The following MAST3 variants were observed in gnomAD, a reference collection of about 807,000 sequenced individuals.
MAST3 encodes the protein microtubule-associated serine/threonine-protein kinase 3.
A neutral mutation model predicts 127.0 loss-of-function variants in MAST3; 43 were observed. The observed-to-expected ratio is 0.34, with a 90% CI of 0.27 to 0.44. MAST3 has a LOEUF of 0.44. Among genes scored for constraint, MAST3 ranks in the 20% least tolerant of loss-of-function variants. The probability of loss-of-function intolerance (pLI) is 1.00; values close to 1 mark genes in which losing one functional copy is unlikely to be tolerated. For synonymous variants in MAST3, 785 were observed against 809.2 expected (o/e 0.97, Z 0.51); for missense variants, 1,390 against 1,919.1 (o/e 0.72, Z 5.15).
At chr19:18,121,643 G>T in intron 3 of MAST3, 42 bp from the exon 4 acceptor site, 1 of 1,557,892 alleles carries the variant, frequency 6.4e-7, no homozygotes, top group Non-Finnish European at 8.8e-7. Flanking sequence ...TTAGCGCGGG[G>T]CCCTGGGCAG....
chr19:18,100,994 G>T (rs914636174), intron 1 of MAST3, among the ~76,000 whole-genome samples: 1 of 152,212 alleles, frequency 6.6e-6, no homozygotes, highest in Non-Finnish European at 1.5e-5. Context: ...GGCCTGGCCC[G>T]CGGGCGGCCA....
At chr19:18,111,892 T>A (rs2038693909) in intron 3 of MAST3, among the ~76,000 whole-genome samples, 1 of 152,180 alleles carries the variant, frequency 6.6e-6, no homozygotes, top group Non-Finnish European at 1.5e-5. Flanking sequence ...GGGAGGTACC[T>A]TCCTTCAGAC....
intron 20 of MAST3, among the ~76,000 whole-genome samples, chr19:18,139,627 A>T (rs533576971): frequency 2.0e-5 from 3 of 146,346 alleles, no homozygotes; most frequent in South Asian, 4.4e-4. Flanking sequence ...ACCTGGTCAA[A>T]TTTTTTTGTA....
intron 1 of MAST3, among the ~76,000 whole-genome samples, chr19:18,105,472 G>A (rs2037995158): frequency 6.6e-6 from 1 of 150,852 alleles, no homozygotes; most frequent in Non-Finnish European, 1.5e-5. Context: ...GCCAAAGTGG[G>A]TGGATCATCT....
At chr19:18,137,936 G>A (rs1411795697) in intron 19 of MAST3, among the ~76,000 whole-genome samples, 5 of 152,150 alleles carry the variant, frequency 3.3e-5, no homozygotes, top group African/African-American at 1.2e-4. Flanking sequence ...CAGGCGCAGT[G>A]GCTCAAGCCT....
Position 18,145,781 on chromosome 19 carries a change from G to A in MAST3, c.3078G>A (p.Leu1026=). ...GAAGCCCCGCCCAGGAGGCGGGCCT[G>A]CGGGCTGGGGACCTCATCACCCACA... is the stretch of plus-strand genomic sequence containing the variant. ...EDGSPAQEAG[L]RAGDLITHIN... The change falls in exon 25 of 28, where the codon CTG becomes CTA. Residue 1026 remains leucine (L), a synonymous_variant. Coordinates refer to ENST00000687212, the MANE Select transcript of MAST3 (RefSeq NM_001393504.1). The surrounding 1 kb of genome is among the most constrained non-coding windows in gnomAD (Gnocchi z 5.9). 1 of 1,592,528 alleles carries A rather than the reference G, an allele frequency of 6.3e-7. No individual in the cohort carries two copies. The highest frequency in any genetic ancestry group is 8.5e-7 in the Non-Finnish European group (1 of 1,172,470).
Position 18,146,953 on chromosome 19 carries a change from A to C in MAST3, c.3235A>C (p.Asn1079His), listed in dbSNP as rs375740121. 16 of 1,562,068 alleles carry C rather than the reference A, an allele frequency of 1.0e-5. No homozygotes were observed. Among genetic ancestry groups the C allele is most frequent in the Non-Finnish European group, 1.4e-5 (16 of 1,153,174 alleles). Residue 1079 changes from asparagine to histidine, a missense_variant, in exon 26 of 28, where the codon AAT (asparagine) becomes CAT (histidine). This residue lies in a region of MAST3 where 816 missense variants were observed against 934.1 expected (regional missense o/e 0.87). Coordinates refer to ENST00000687212, the MANE Select transcript of MAST3 (RefSeq NM_001393504.1). ...TSIKVGPARK[N>H]VAKGRMARRS... Reference sequence around the variant, plus strand: ...CATCAAGGTGGGCCCCGCCCGGAAGAATGTGGCCAAGGGCCGCATGGCACG... The same window carrying C: ...CATCAAGGTGGGCCCCGCCCGGAAGCATGTGGCCAAGGGCCGCATGGCACG...
intron 13 of MAST3, 140 bp from the exon 14 acceptor site, chr19:18,130,344 AGGGGGAACAG>A: frequency 1.5e-6 from 1 of 676,866 alleles, no homozygotes; most frequent in Non-Finnish European, 2.5e-6. Flanking sequence ...CTGCTCTGGG[AGGGGGAACAG>A]GTAAGGAGAA....
In MAST3 at chr19:18,149,823, C is replaced by A. The variant is rs938297180; in HGVS notation, c.*97C>A. ...GCCTGGATGGGGACTGAGCCACCAG[C>A]CTGACACCCAGAAGGCGAGAAGCCA... is the stretch of plus-strand genomic sequence containing the variant. On this transcript the variant is annotated 3_prime_UTR_variant, in exon 28 of 28. Coordinates refer to ENST00000687212, the MANE Select transcript of MAST3 (RefSeq NM_001393504.1). This position sits in a 1 kb window ranked among gnomAD's most constrained non-coding sequence, Gnocchi z 5.9. 2.0e-6 allele frequency: 3 copies of A among 1,529,706 alleles called. No homozygotes were observed. The highest frequency in any genetic ancestry group is 2.6e-6 in the Non-Finnish European group (3 of 1,138,676). The allele number at this position is 1,529,706 out of a possible 1,614,324, so 94.8% of individuals were successfully genotyped here.
At chr19:18,099,592 A>T (rs377185462) in intron 1 of MAST3, among the ~76,000 whole-genome samples, 1 of 152,288 alleles carries the variant, frequency 6.6e-6, no homozygotes, top group East Asian at 1.9e-4. Flanking sequence ...TCCGGGTTTC[A>T]CAAAGTATAG....
At chr19:18,118,012 C>T (rs1370652714) in intron 3 of MAST3, 1 of 674,522 alleles carries the variant, frequency 1.5e-6, no homozygotes, top group Admixed American at 6.3e-5. Flanking sequence ...CAGTCGCGCT[C>T]GGGGGCGCGC....
At chr19:18,138,864 C>T (rs1202895131) in intron 19 of MAST3, 151 bp from the exon 20 acceptor site, 14 of 606,744 alleles carry the variant, frequency 2.3e-5, no homozygotes, top group South Asian at 1.5e-4. Context: ...CCAAGCCTCC[C>T]GTGGTCCTTA....
intron 13 of MAST3, 78 bp from the exon 14 acceptor site, chr19:18,130,416 A>G (rs2041151781): frequency 1.5e-6 from 2 of 1,325,216 alleles, no homozygotes; most frequent in Non-Finnish European, 2.1e-6. Context: ...GCAGGTTGGG[A>G]TCTGGGCTCA....
intron 27 of MAST3, among the ~76,000 whole-genome samples, chr19:18,148,547 G>C (rs1243250302): frequency 6.6e-6 from 1 of 152,114 alleles, no homozygotes. Flanking sequence ...CTGGGGCTTT[G>C]ATGGGTGAGT....
chr19:18,141,377 C>CTTTCTTTT lies in MAST3; in HGVS notation c.2206-502_2206-501insCTTTTTTT, dbSNP rs60206673. On this transcript the variant is annotated intron_variant, in intron 20 of 27. Coordinates refer to ENST00000687212, the MANE Select transcript of MAST3 (RefSeq NM_001393504.1). Reference sequence around the variant, plus strand: ...GGAATCACTGGACTAAGCCAGCTTTCTTTTTTTTTTTTTGAAACAGAGTCT... The same window carrying CTTTCTTTT: ...GGAATCACTGGACTAAGCCAGCTTTCTTTCTTTTTTTTTTTTTTTTTGAAACAGAGTCT... Among the ~76,000 whole-genome samples the CTTTCTTTT allele has an allele frequency of 1.5e-4, 18 of 122,772 alleles. 2 individuals are homozygous for CTTTCTTTT. The highest frequency in any genetic ancestry group is 2.4e-4 in the East Asian group (1 of 4,190). 80.5% of individuals were successfully genotyped at this position (122,772 alleles called of 152,430 possible). A position where few individuals can be genotyped will look rare whatever the true frequency, so the allele number is the denominator to read the frequency against.
chr19:18,142,130 A>G (rs1460407400), intron 21 of MAST3, 115 bp downstream of exon 21: 3 of 1,136,984 alleles, frequency 2.6e-6, no homozygotes, highest in Non-Finnish European at 3.4e-6. Flanking sequence ...AGGGTCAAAC[A>G]TATTGACCAG....
At position 18,146,882 on chromosome 19, in the gene MAST3, G is replaced by A. The variant is rs752120271; in HGVS notation, c.3164G>A (p.Ser1055Asn). 2 of 1,551,822 alleles carry A rather than the reference G, an allele frequency of 1.3e-6. No homozygotes were observed. Among genetic ancestry groups the A allele is most frequent in the Non-Finnish European group, 1.7e-6 (2 of 1,146,882 alleles). ...HMDVVELLLK[S>N]GNKISLRTTA... ...AACCCCTCACCATCCCTCCCGCAGA[G>A]CGGCAACAAGATATCCCTGCGGACC... Residue 1055 changes from serine (S) to asparagine (N), a missense_variant and splice_region_variant, in exon 26 of 28, where the codon AGC becomes AAC. Coordinates refer to ENST00000687212, the MANE Select transcript of MAST3 (RefSeq NM_001393504.1).
intron 2 of MAST3, among the ~76,000 whole-genome samples, chr19:18,108,436 T>G (rs1317774089): frequency 6.6e-6 from 1 of 151,670 alleles, no homozygotes; most frequent in African/African-American, 2.4e-5. Flanking sequence ...TGCAGTAGTG[T>G]CATCTTGGCT....
At chr19:18,142,250 A>G (rs146233222) in intron 21 of MAST3, among the ~76,000 whole-genome samples, 1 of 152,196 alleles carries the variant, frequency 6.6e-6, no homozygotes, top group East Asian at 1.9e-4. Context: ...CCTTCTGTCC[A>G]GAATGCCCTT....
Sources: gnomAD v4.1 joint callset for allele counts (sites outside exome capture counted in the v4.1 genomes callset) on GRCh38, gnomAD v4.1.1 for gene constraint, gnomAD v4.1.1 regional missense constraint, Gnocchi (gnomAD v3.1) non-coding constraint, MANE v1.5 for transcripts, NCBI Gene and HGNC (gene_info 2026-07-23, HGNC 2026-07-21) for gene names.